Variants in HS3ST2 observed in about 807,000 individuals in gnomAD.
HS3ST2 encodes the protein heparan sulfate glucosamine 3-O-sulfotransferase 2.
In HS3ST2, 17 loss-of-function variants were observed where a neutral mutation model predicts 26.3. The ratio of observed to expected loss-of-function variants is 0.65; its 90% CI spans 0.44 to 0.97. The LOEUF is 0.97. HS3ST2 is among the 50% of genes least tolerant of loss of function. The pLI is 0.00. For synonymous variants in HS3ST2, 237 were observed against 219.2 expected (o/e 1.08, Z -0.72); for missense variants, 402 against 501.2 (o/e 0.80, Z 1.89).
intron 1 of HS3ST2, among the ~76,000 whole-genome samples, chr16:22,867,058 TAA>T (rs1901767422): frequency 6.6e-6 from 1 of 152,186 alleles, no homozygotes; most frequent in African/African-American, 2.4e-5. Flanking sequence ...TTTTAAAACA[TAA>T]GTTTATAGTA....
chr16:22,905,668 G>A (rs1385441081), intron 1 of HS3ST2, among the ~76,000 whole-genome samples: 1 of 152,154 alleles, frequency 6.6e-6, no homozygotes, highest in African/African-American at 2.4e-5. Context: ...GAATACAGCA[G>A]TGAATAATAT....
At chr16:22,873,277 T>C (rs1475648053) in intron 1 of HS3ST2, among the ~76,000 whole-genome samples, 1 of 152,150 alleles carries the variant, frequency 6.6e-6, no homozygotes, top group Non-Finnish European at 1.5e-5. Flanking sequence ...TCAGTATGCG[T>C]AGAAGCAGAA....
At chr16:22,872,995 T>G (rs4556774) in intron 1 of HS3ST2, among the ~76,000 whole-genome samples, 19,734 of 152,162 alleles carry the variant, frequency 0.13, 1,838 homozygotes, top group East Asian at 0.34. Context: ...CATGAACAAG[T>G]TTCTTAACCT....
chr16:22,818,739 C>CCTTCCTTCCTTCCTTCATT (rs1395800348), intron 1 of HS3ST2, among the ~76,000 whole-genome samples: 1 of 39,726 alleles, frequency 2.5e-5, no homozygotes, highest in Non-Finnish European at 4.4e-5. Context: ...CTCCCTCCTT[C>CCTTCCTTCCTTCCTTCATT]CCTTCCTTCC....
At chr16:22,816,942 A>C (rs958990827) in intron 1 of HS3ST2, among the ~76,000 whole-genome samples, 1 of 150,626 alleles carries the variant, frequency 6.6e-6, no homozygotes, top group Non-Finnish European at 1.5e-5. Flanking sequence ...CTGAACCCAG[A>C]CTCTCCTCCC....
chr16:22,827,000 C>T lies in HS3ST2; in HGVS notation c.485+11905C>T, dbSNP rs150029062. ...GTGCCATGGAGAAAATACAGGGAGG[C>T]GGAGAAAGAATACTTGGTCTGGGAG... is the stretch of plus-strand genomic sequence containing the variant. On this transcript the variant is annotated intron_variant, in intron 1 of 1. Transcript: ENST00000261374. 6.7e-3 allele frequency among the ~76,000 whole-genome samples: 1,016 copies of T among 152,086 alleles called. 33 individuals carry two copies. Among genetic ancestry groups the T allele is most frequent in the Admixed American group, 0.059 (894 of 15,280 alleles).
rs367677580 is a variant in HS3ST2, at chr16:22,841,274, G to A, written c.485+26179G>A. Among the ~76,000 whole-genome samples the A allele has an allele frequency of 7.2e-5, 11 of 152,154 alleles. 2 individuals are homozygous for A. In the South Asian group the frequency reaches 2.3e-3, roughly 32 times the overall value. ...GACAGCGTTTCACTATGTTGCCCAG[G>A]CTGGTCTCGAACTCCTGACCTCATG... is the stretch of plus-strand genomic sequence containing the variant. On this transcript the variant is annotated intron_variant, in intron 1 of 1. Coordinates refer to ENST00000261374, the MANE Select transcript of HS3ST2 (RefSeq NM_006043.2).
intron 1 of HS3ST2, among the ~76,000 whole-genome samples, chr16:22,850,854 A>G (rs1429444379): frequency 6.6e-6 from 1 of 152,198 alleles, no homozygotes; most frequent in African/African-American, 2.4e-5. Flanking sequence ...AGAATCTCTC[A>G]TACAGCCGCA....
rs548957545 is a variant in HS3ST2, at chr16:22,880,634, G to A, written c.486-34310G>A. On this transcript the variant is annotated intron_variant, in intron 1 of 1. Transcript: ENST00000261374. Reference sequence around the variant, plus strand: ...TGTGGCCCAGGCTGAGGAGTGTACAGCACTGCCCTCCCCCCATGGAGATGG... The same window carrying A: ...TGTGGCCCAGGCTGAGGAGTGTACAACACTGCCCTCCCCCCATGGAGATGG... Among the ~76,000 whole-genome samples, 20 of 152,254 alleles carry A rather than the reference G, an allele frequency of 1.3e-4. No homozygotes were observed. The East Asian group carries it at 2.9e-3, about 22-fold the overall frequency.
chr16:22,834,484 A>T (rs1202626937), intron 1 of HS3ST2, among the ~76,000 whole-genome samples: 1 of 152,118 alleles, frequency 6.6e-6, no homozygotes, highest in Non-Finnish European at 1.5e-5. Context: ...AATTATTTTA[A>T]ATAGCATCTA....
chr16:22,892,244 C>T (rs1448664356), intron 1 of HS3ST2, among the ~76,000 whole-genome samples: 3 of 149,608 alleles, frequency 2.0e-5, no homozygotes, highest in East Asian at 2.0e-4. Flanking sequence ...GAGCCGAGAT[C>T]GTGCCACTGC....
chr16:22,846,852 C>T (rs557387927), intron 1 of HS3ST2, among the ~76,000 whole-genome samples: 4 of 152,224 alleles, frequency 2.6e-5, no homozygotes, highest in South Asian at 4.1e-4. Flanking sequence ...TGGTGGGGAG[C>T]TGGAGACAGT....
At chr16:22,839,498 T>G (rs1901321026) in intron 1 of HS3ST2, among the ~76,000 whole-genome samples, 1 of 152,192 alleles carries the variant, frequency 6.6e-6, no homozygotes, top group Admixed American at 6.5e-5. Flanking sequence ...TTCACAACGT[T>G]TTTTTCTTCT....
chr16:22,837,051 G>A (rs997435207), intron 1 of HS3ST2, among the ~76,000 whole-genome samples: 14 of 151,884 alleles, frequency 9.2e-5, no homozygotes, highest in African/African-American at 3.1e-4. Context: ...ATGTCAGCTA[G>A]GTTCATTTTT....
At chr16:22,904,992 A>G (rs1902331574) in intron 1 of HS3ST2, among the ~76,000 whole-genome samples, 1 of 152,172 alleles carries the variant, frequency 6.6e-6, no homozygotes. Flanking sequence ...TAGCAGGTTT[A>G]GTTTTAAGAA....
At chr16:22,862,722 G>A (rs577616170) in intron 1 of HS3ST2, among the ~76,000 whole-genome samples, 1 of 152,264 alleles carries the variant, frequency 6.6e-6, no homozygotes, top group South Asian at 2.1e-4. Context: ...CATGGCTGAT[G>A]GCTTTCTTCT....
chr16:22,854,049 A>T (rs961504301), intron 1 of HS3ST2, among the ~76,000 whole-genome samples: 14 of 152,176 alleles, frequency 9.2e-5, no homozygotes, highest in African/African-American at 3.4e-4. Context: ...ATTGGCTGGA[A>T]CATGATTTCA....
intron 1 of HS3ST2, among the ~76,000 whole-genome samples, chr16:22,832,484 A>T (rs1283911245): frequency 4.0e-5 from 6 of 151,860 alleles, no homozygotes; most frequent in Non-Finnish European, 8.8e-5. Flanking sequence ...TACAATGTGG[A>T]TGTGGGCGGT....
rs117962421 is a variant in HS3ST2, at chr16:22,899,747, G to A, written c.486-15197G>A. ...ACAGGCAAGAGAGAGAGCATGTGCA[G>A]GGGAATTCCCCTTTATAAAACCATC... On this transcript the variant is annotated intron_variant, in intron 1 of 1. Coordinates refer to ENST00000261374, the MANE Select transcript of HS3ST2 (RefSeq NM_006043.2). 7.8e-3 allele frequency among the ~76,000 whole-genome samples: 1,182 copies of A among 152,286 alleles called. 81 individuals are homozygous for A. In the East Asian group the frequency reaches 0.16, roughly 21 times the overall value.
Sources: allele counts gnomAD v4.1 joint callset (sites outside exome capture counted in the v4.1 genomes callset), GRCh38; gene constraint gnomAD v4.1.1; transcripts MANE v1.5; gene names NCBI Gene and HGNC (gene_info 2026-07-23, HGNC 2026-07-21).